Variants in LRRFIP2 observed in about 807,000 individuals in gnomAD.
The protein encoded by LRRFIP2 is LRR binding FLII interacting protein 2.
In LRRFIP2, 109 loss-of-function variants were observed where a neutral mutation model predicts 125.9. The ratio of observed to expected loss-of-function variants is 0.87; its 90% confidence interval spans 0.74 to 1.01. The LOEUF (loss-of-function observed/expected upper bound fraction) is 1.01. Ranked by LOEUF, LRRFIP2 falls within the 50% of genes least tolerant of loss-of-function variation. The pLI, the probability that LRRFIP2 is intolerant of heterozygous loss-of-function variation, is 0.00. For missense variants in LRRFIP2, 850 were observed against 862.3 expected, an observed-to-expected ratio of 0.99 and a Z score of 0.18; for synonymous variants, 291 against 293.1, an observed-to-expected ratio of 0.99 and a Z score of 0.07.
intron 1 of LRRFIP2, among the ~76,000 whole-genome samples, chr3:37,152,542 C>G (rs1208902188): frequency 2.0e-5 from 3 of 152,246 alleles, no homozygotes; most frequent in African/African-American, 2.4e-5. Flanking sequence ...CTCCCGGGTT[C>G]AAGTGATTCT....
At chr3:37,089,163 T>C (rs2093280753) in intron 18 of LRRFIP2, among the ~76,000 whole-genome samples, 1 of 152,220 alleles carries the variant, frequency 6.6e-6, no homozygotes, top group African/African-American at 2.4e-5. Context: ...TAATAAAGTA[T>C]TAATTTTAAT....
At chr3:37,064,890 C>G (rs375516739) in intron 23 of LRRFIP2, 2 of 152,222 alleles carry the variant, frequency 1.3e-5, no homozygotes, top group East Asian at 1.9e-4. Flanking sequence ...ACACTCTGGG[C>G]TGCCTATAGC....
chr3:37,113,486 G>A (rs1268657208), intron 7 of LRRFIP2, among the ~76,000 whole-genome samples: 1 of 152,156 alleles, frequency 6.6e-6, no homozygotes, highest in Middle Eastern at 3.2e-3. Flanking sequence ...GGAACAGGTA[G>A]AGACAATGTC....
rs778171399 is a variant in LRRFIP2 at position 37,096,624 on chromosome 3, A to G, written c.910T>C (p.Tyr304His). The G allele has an allele frequency of 5.1e-6, 8 of 1,563,872 alleles. No homozygotes were observed. Among genetic ancestry groups the G allele is most frequent in the Non-Finnish European group, 7.0e-6 (8 of 1,141,698 alleles). ...EKSDKQYAEN[Y>H]TRPSSRNSAS... Reference sequence around the variant, plus strand: ...GGAATTTACATACTCACTCTTGTATAATTTTCAGCATACTGTTTGTCAGAT... The same window carrying G: ...GGAATTTACATACTCACTCTTGTATGATTTTCAGCATACTGTTTGTCAGAT... The change falls in exon 16 of 28, where the codon TAT becomes CAT. Residue 304 changes from tyrosine (Y) to histidine (H), a missense_variant. By Grantham distance (83) the Tyr-to-His change is moderately conservative (BLOSUM62 2). Transcript: ENST00000336686.
intron 19 of LRRFIP2, among the ~76,000 whole-genome samples, chr3:37,077,200 G>T (rs1417972669): frequency 6.6e-6 from 1 of 152,070 alleles, no homozygotes; most frequent in African/African-American, 2.4e-5. Context: ...TAGATACATT[G>T]GCAAAAATAC....
chr3:37,100,691 T>C (rs1341576542), intron 15 of LRRFIP2, among the ~76,000 whole-genome samples: 1 of 152,136 alleles, frequency 6.6e-6, no homozygotes, highest in African/African-American at 2.4e-5. Context: ...AATTCAGATA[T>C]TATAAATTAA....
intron 18 of LRRFIP2, among the ~76,000 whole-genome samples, chr3:37,085,449 A>G (rs183039112): frequency 3.8e-4 from 57 of 151,806 alleles, no homozygotes; most frequent in African/African-American, 1.4e-3. Context: ...TGAACCCAGG[A>G]GGCAGAGGTT....
At chr3:37,090,959 T>C (rs892714493) in intron 18 of LRRFIP2, among the ~76,000 whole-genome samples, 15 of 152,228 alleles carry the variant, frequency 9.9e-5, no homozygotes, top group African/African-American at 3.6e-4. Context: ...TCATTTAGCG[T>C]GGAAGAAATT....
intron 18 of LRRFIP2, among the ~76,000 whole-genome samples, chr3:37,085,376 C>T (rs1170072357): frequency 6.6e-6 from 1 of 151,450 alleles, no homozygotes. Flanking sequence ...CAAAAATTAG[C>T]CGGGCATGGT....
At chr3:37,120,862 G>A (rs1366681012) in intron 6 of LRRFIP2, among the ~76,000 whole-genome samples, 3 of 152,068 alleles carry the variant, frequency 2.0e-5, no homozygotes, top group Admixed American at 1.3e-4. Context: ...AAATAAAAGT[G>A]CTGCTTTAAG....
intron 7 of LRRFIP2, 28 bp from the exon 8 acceptor site, chr3:37,113,008 C>A: frequency 7.7e-7 from 1 of 1,297,862 alleles, no homozygotes; most frequent in Non-Finnish European, 1.1e-6. Context: ...AAGTTAACTT[C>A]AATGATTGCA....
chr3:37,058,119 G>A (rs970329375), intron 25 of LRRFIP2, among the ~76,000 whole-genome samples: 6 of 152,152 alleles, frequency 3.9e-5, no homozygotes, highest in Non-Finnish European at 5.9e-5. Context: ...CTTTAATGGG[G>A]AAGGGTGCTT....
At chr3:37,098,683 A>G (rs1222913834) in intron 15 of LRRFIP2, among the ~76,000 whole-genome samples, 1 of 152,052 alleles carries the variant, frequency 6.6e-6, no homozygotes, top group African/African-American at 2.4e-5. Flanking sequence ...ATGAGCCACC[A>G]TGCCTGGCCT....
chr3:37,134,571 T>A (rs1016149767), intron 2 of LRRFIP2: 1 of 491,750 alleles, frequency 2.0e-6, no homozygotes, highest in Non-Finnish European at 4.0e-6. Flanking sequence ...GAGACAATGC[T>A]GTCCCACCTC....
chr3:37,128,683 T>G (rs2095350180), intron 3 of LRRFIP2, among the ~76,000 whole-genome samples: 1 of 152,186 alleles, frequency 6.6e-6, no homozygotes, highest in African/African-American at 2.4e-5. Flanking sequence ...TTAAATATGT[T>G]TTAAAATTGT....
intron 1 of LRRFIP2, among the ~76,000 whole-genome samples, chr3:37,159,989 C>CAA (rs58005486): frequency 0.017 from 791 of 46,900 alleles, 37 homozygotes; most frequent in African/African-American, 0.024. Context: ...GCCCTATGCG[C>CAA]AAAAAAAAAA....
At position 37,109,507 on chromosome 3, in the gene LRRFIP2, T is replaced by A. The variant is rs78608369; in HGVS notation, c.609+20A>T. ...TTGACCCCACCAGCACTGCACACACTGGAAGAGGAAAATACAAACCAGACT... is the reference window on the plus strand; with the variant it reads ...TTGACCCCACCAGCACTGCACACACAGGAAGAGGAAAATACAAACCAGACT... On this transcript the variant is annotated intron_variant, in intron 11 of 27. Transcript: ENST00000336686. 1,444 of 1,613,716 alleles carry A rather than the reference T, an allele frequency of 8.9e-4. 11 individuals are homozygous for A. The African/African-American group carries it at 0.017, about 19-fold the overall frequency.
intron 15 of LRRFIP2, among the ~76,000 whole-genome samples, chr3:37,102,393 ATTTTTCCACAGAGGGGGAAAAAGTTT>A (rs2094110572): frequency 6.6e-6 from 1 of 152,112 alleles, no homozygotes; most frequent in Admixed American, 6.6e-5. Context: ...CTATGCGGAG[ATTTTTCCACAGAGGGGGAAAAAGTTT>A]TTTTTTAAAA....
At chr3:37,133,618 A>G (rs915010793) in intron 2 of LRRFIP2, among the ~76,000 whole-genome samples, 1 of 152,174 alleles carries the variant, frequency 6.6e-6, no homozygotes, top group Non-Finnish European at 1.5e-5. Flanking sequence ...AGAAAGCACA[A>G]TAGTGGTTGC....
Sources: allele counts gnomAD v4.1 joint callset (sites outside exome capture counted in the v4.1 genomes callset), GRCh38; gene constraint gnomAD v4.1.1; transcripts MANE v1.5; gene names NCBI Gene and HGNC (gene_info 2026-07-23, HGNC 2026-07-21).